The following FRMD4B variants were observed in gnomAD, a reference collection of about 807,000 sequenced individuals.
The protein encoded by FRMD4B is FERM domain containing 4B.
Under a neutral mutation model 141.5 loss-of-function variants are expected in FRMD4B, and 74 were observed. The observed-to-expected ratio is 0.52, with a 90% CI of 0.43 to 0.63. FRMD4B has a LOEUF of 0.63. FRMD4B is among the 30% of genes least tolerant of loss of function. The probability of loss-of-function intolerance (pLI) is 0.00; values close to 1 mark genes in which losing one functional copy is unlikely to be tolerated. For missense variants in FRMD4B, 1,366 were observed against 1,253.4 expected (o/e 1.09, Z -1.36); for synonymous variants, 506 against 467.9 (o/e 1.08, Z -1.05).
intron 1 of FRMD4B, among the ~76,000 whole-genome samples, chr3:69,440,255 G>C (rs1705323277): frequency 6.6e-6 from 1 of 152,088 alleles, no homozygotes; most frequent in Non-Finnish European, 1.5e-5. Flanking sequence ...GTAAGAATCT[G>C]ATTTTTTCTT....
At position 69,346,952 on chromosome 3, in the gene FRMD4B, T is replaced by C. The variant is rs530990279; in HGVS notation, c.163-33435A>G. Among the ~76,000 whole-genome samples the C allele has an allele frequency of 4.6e-5, 7 of 152,242 alleles. No individual in the cohort carries two copies. In the East Asian group the frequency reaches 1.2e-3, roughly 25 times the overall value. ...CGAGCAAAATAACCAGCTAACATCA[T>C]AATGACAGGATCAAATTCACTCATA... is the stretch of plus-strand genomic sequence containing the variant. On this transcript the variant is annotated intron_variant, in intron 1 of 22. Coordinates refer to ENST00000398540, the MANE Select transcript of FRMD4B (RefSeq NM_015123.3).
intron 5 of FRMD4B, among the ~76,000 whole-genome samples, chr3:69,278,472 A>T (rs761642914): frequency 1.3e-5 from 2 of 150,544 alleles, no homozygotes; most frequent in Non-Finnish European, 3.0e-5. Context: ...TATTTTAAAA[A>T]TTTTCTGTAG....
At chr3:69,336,888 G>C (rs975359235) in intron 1 of FRMD4B, among the ~76,000 whole-genome samples, 2 of 152,192 alleles carry the variant, frequency 1.3e-5, no homozygotes. Context: ...AGGTTGCAGT[G>C]AGCCAAGATC....
At chr3:69,537,689 C>T (rs779914759) in intron 1 of FRMD4B, among the ~76,000 whole-genome samples, 1 of 152,140 alleles carries the variant, frequency 6.6e-6, no homozygotes, top group African/African-American at 2.4e-5. Context: ...ATATTGACCA[C>T]GCTAAAAGTG....
chr3:69,324,553 A>G (rs1702118174), intron 1 of FRMD4B, among the ~76,000 whole-genome samples: 1 of 152,250 alleles, frequency 6.6e-6, no homozygotes, highest in Non-Finnish European at 1.5e-5. Flanking sequence ...TCTACCCACT[A>G]GATGTCAGTA....
intron 5 of FRMD4B, among the ~76,000 whole-genome samples, chr3:69,283,980 A>AAAC (rs746303757): frequency 6.6e-6 from 1 of 151,754 alleles, no homozygotes; most frequent in Non-Finnish European, 1.5e-5. Context: ...CAAAACAAAA[A>AAAC]AAACAAAAAA....
chr3:69,266,998 A>C (rs2093565236), intron 5 of FRMD4B, among the ~76,000 whole-genome samples: 1 of 152,238 alleles, frequency 6.6e-6, no homozygotes, highest in Non-Finnish European at 1.5e-5. Flanking sequence ...CCATGAGAAA[A>C]TTATTAGACT....
intron 2 of FRMD4B, among the ~76,000 whole-genome samples, chr3:69,400,225 C>CA (rs201312818): frequency 4.4e-4 from 62 of 141,050 alleles, no homozygotes; most frequent in South Asian, 1.8e-3. Flanking sequence ...GTCTTCACCC[C>CA]AAAAAAAAAA....
rs143691273 is a variant in FRMD4B at position 69,285,071 on chromosome 3, G to T, written c.501+2681C>A. ...CCAGCTACTCGGGAGGCTGAGGCAG[G>T]AGAATCACTTCAATCCAGGAGGTGG... On this transcript the variant is annotated intron_variant, in intron 5 of 22. Transcript: ENST00000398540. 5.9e-3 allele frequency among the ~76,000 whole-genome samples: 902 copies of T among 152,302 alleles called. 10 individuals carry two copies. The highest frequency in any genetic ancestry group is 0.02 in the African/African-American group (838 of 41,582).
At chr3:69,377,977 AT>A (rs35582091) in intron 1 of FRMD4B, among the ~76,000 whole-genome samples, 38 of 139,834 alleles carry the variant, frequency 2.7e-4, no homozygotes, top group African/African-American at 5.6e-4. Context: ...CACTTGGCTA[AT>A]TTTTTTTTTT....
chr3:69,246,700 C>T (rs2093428133), intron 7 of FRMD4B, among the ~76,000 whole-genome samples: 1 of 152,116 alleles, frequency 6.6e-6, no homozygotes, highest in South Asian at 2.1e-4. Context: ...AGGGATGTTG[C>T]CAGTCTGCGT....
intron 1 of FRMD4B, among the ~76,000 whole-genome samples, chr3:69,467,455 C>T (rs1031021648): frequency 2.6e-5 from 4 of 152,090 alleles, no homozygotes; most frequent in Non-Finnish European, 5.9e-5. Context: ...CCAGTAGAGA[C>T]CTAGGTTCAA....
intron 1 of FRMD4B, among the ~76,000 whole-genome samples, chr3:69,504,581 G>T (rs1220633555): frequency 6.6e-6 from 1 of 152,156 alleles, no homozygotes; most frequent in Non-Finnish European, 1.5e-5. Context: ...GTGGTCTTTT[G>T]TGTCTGGCCT....
At chr3:69,400,144 G>T (rs981087204) in intron 2 of FRMD4B, among the ~76,000 whole-genome samples, 1 of 151,976 alleles carries the variant, frequency 6.6e-6, no homozygotes, top group African/African-American at 2.4e-5. Context: ...CCAGCACATT[G>T]GGAGTCTGAC....
At chr3:69,333,537 T>G (rs879857819) in intron 1 of FRMD4B, among the ~76,000 whole-genome samples, 2 of 152,222 alleles carry the variant, frequency 1.3e-5, no homozygotes, top group Admixed American at 1.3e-4. Flanking sequence ...CAATTTGAAT[T>G]CTGCCTTAGT....
At chr3:69,341,982 A>G (rs1276446639) in intron 1 of FRMD4B, among the ~76,000 whole-genome samples, 2 of 152,220 alleles carry the variant, frequency 1.3e-5, no homozygotes, top group Non-Finnish European at 1.5e-5. Flanking sequence ...ACAAAGGCCT[A>G]ATAGTTTCTC....
chr3:69,275,455 T>C (rs1326847138), intron 5 of FRMD4B, among the ~76,000 whole-genome samples: 2 of 151,846 alleles, frequency 1.3e-5, no homozygotes, highest in Non-Finnish European at 2.9e-5. Flanking sequence ...TTTTTTTTTT[T>C]TTGAGACAAG....
chr3:69,276,078 G>A (rs184729718), intron 5 of FRMD4B, among the ~76,000 whole-genome samples: 165 of 152,258 alleles, frequency 1.1e-3, no homozygotes, highest in Non-Finnish European at 1.7e-3. Context: ...GTCAATGGCT[G>A]TACAATATCC....
At position 69,296,281 on chromosome 3, in the gene FRMD4B, A is replaced by G. The variant is rs1300997975; in HGVS notation, c.416+6062T>C. ...GCACACCCACCAAAAGACAGGACTGAAAGGTTTGCAAGGGGAGTGAGCAGA... is the reference window on the plus strand; with the variant it reads ...GCACACCCACCAAAAGACAGGACTGGAAGGTTTGCAAGGGGAGTGAGCAGA... On this transcript the variant is annotated intron_variant, in intron 4 of 22. Transcript: ENST00000398540. Among the ~76,000 whole-genome samples the G allele has an allele frequency of 2.6e-5, 4 of 152,258 alleles. No homozygotes were observed. In the South Asian group the frequency reaches 6.2e-4, roughly 24 times the overall value.
Sources: allele counts gnomAD v4.1 joint callset (sites outside exome capture counted in the v4.1 genomes callset), GRCh38; gene constraint gnomAD v4.1.1; transcripts MANE v1.5; gene names NCBI Gene and HGNC (gene_info 2026-07-23, HGNC 2026-07-21).